FSTL5: variants seen among roughly 807,000 people sequenced by gnomAD.
FSTL5 encodes follistatin like 5.
A neutral mutation model predicts 89.1 loss-of-function variants in FSTL5; 62 were observed. The observed-to-expected ratio is 0.70, with a 90% confidence interval of 0.57 to 0.86. FSTL5 has a LOEUF of 0.86. Ranked by LOEUF, FSTL5 falls within the 40% of genes least tolerant of loss-of-function variation. The probability of loss-of-function intolerance (pLI) is 0.00; values close to 1 mark genes in which losing one functional copy is unlikely to be tolerated. For missense variants in FSTL5, 1,057 were observed against 1,001.6 expected, an observed-to-expected ratio of 1.06 and a Z score of -0.75; for synonymous variants, 383 against 346.2, an observed-to-expected ratio of 1.11 and a Z score of -1.18.
chr4:161,435,777 T>C (rs1732539890), intron 15 of FSTL5, among the ~76,000 whole-genome samples: 2 of 151,908 alleles, frequency 1.3e-5, no homozygotes, highest in East Asian at 3.9e-4. Flanking sequence ...AGTTGAGTCT[T>C]CATAATAAGC....
At chr4:161,961,854 T>C (rs1735187814) in intron 3 of FSTL5, among the ~76,000 whole-genome samples, 1 of 151,710 alleles carries the variant, frequency 6.6e-6, no homozygotes, top group Admixed American at 6.6e-5. Context: ...TTATATGTAT[T>C]ACATGACCAA....
At chr4:161,717,077 T>C (rs1024023405) in intron 6 of FSTL5, among the ~76,000 whole-genome samples, 4 of 152,334 alleles carry the variant, frequency 2.6e-5, no homozygotes, top group Non-Finnish European at 2.9e-5. Flanking sequence ...AGACTTTCCC[T>C]TTGTTTTAGA....
chr4:161,906,647 C>T (rs763511987), intron 4 of FSTL5, among the ~76,000 whole-genome samples: 9 of 151,880 alleles, frequency 5.9e-5, no homozygotes, highest in African/African-American at 1.9e-4. Context: ...GAGGGATTTG[C>T]CTATGAATAA....
At chr4:161,806,597 A>T (rs1412248162) in intron 4 of FSTL5, among the ~76,000 whole-genome samples, 1 of 152,232 alleles carries the variant, frequency 6.6e-6, no homozygotes, top group Non-Finnish European at 1.5e-5. Flanking sequence ...AAGTAAAGCT[A>T]AATTCAAGTT....
chr4:161,783,420 A>G lies in FSTL5; in HGVS notation c.410-7346T>C, dbSNP rs79397251. Reference sequence around the variant, plus strand: ...TATCTATAAATGATTTGCACATGACATGCAAGGCCTTCCGTCTTCTCACAA... The same window carrying G: ...TATCTATAAATGATTTGCACATGACGTGCAAGGCCTTCCGTCTTCTCACAA... On this transcript the variant is annotated intron_variant, in intron 4 of 15. Transcript: ENST00000306100. 2.8e-4 allele frequency among the ~76,000 whole-genome samples: 42 copies of G among 152,072 alleles called. No homozygotes were observed. The East Asian group carries it at 7.4e-3, about 27-fold the overall frequency.
intron 7 of FSTL5, among the ~76,000 whole-genome samples, chr4:161,618,979 T>A (rs1489794817): frequency 2.6e-5 from 4 of 152,200 alleles, no homozygotes; most frequent in Admixed American, 2.6e-4. Context: ...ATGGTACTGG[T>A]ACCAAAACAG....
chr4:162,117,437 C>G (rs1183205627), intron 1 of FSTL5, among the ~76,000 whole-genome samples: 1 of 152,004 alleles, frequency 6.6e-6, no homozygotes, highest in African/African-American at 2.4e-5. Flanking sequence ...TATAGGAACC[C>G]GGAGTTTAGC....
chr4:161,592,209 C>T (rs1477007282), intron 7 of FSTL5, among the ~76,000 whole-genome samples: 1 of 152,084 alleles, frequency 6.6e-6, no homozygotes, highest in South Asian at 2.1e-4. Flanking sequence ...GTATTTCTTC[C>T]TTTTCTCAGC....
At position 161,824,874 on chromosome 4, in the gene FSTL5, T is replaced by A. The variant is rs561169618; in HGVS notation, c.410-48800A>T. ...GGGTTTTCTAGGTATACTATTTGGA[T>A]GCCCTTTATTTCTTTCTCTTGTCTG... On this transcript the variant is annotated intron_variant, in intron 4 of 15. Coordinates refer to ENST00000306100, the MANE Select transcript of FSTL5 (RefSeq NM_020116.5). Among the ~76,000 whole-genome samples the A allele has an allele frequency of 7.9e-5, 12 of 152,014 alleles. No individual in the cohort carries two copies. The South Asian group carries it at 2.5e-3, about 32-fold the overall frequency.
rs944032298 is a variant in FSTL5 at position 162,038,077 on chromosome 4, G to C, written c.127-4419C>G. 5.3e-5 allele frequency among the ~76,000 whole-genome samples: 8 copies of C among 151,834 alleles called. No homozygotes were observed. In the East Asian group the frequency reaches 1.5e-3, roughly 29 times the overall value. ...CATTTGAAAAACATTCTTACATTAGGAAGACTTAGGTCTTGTCCATAATAG... is the reference window on the plus strand; with the variant it reads ...CATTTGAAAAACATTCTTACATTAGCAAGACTTAGGTCTTGTCCATAATAG... On this transcript the variant is annotated intron_variant, in intron 2 of 15. Coordinates refer to ENST00000306100, the MANE Select transcript of FSTL5 (RefSeq NM_020116.5).
intron 4 of FSTL5, among the ~76,000 whole-genome samples, chr4:161,853,202 T>C (rs1313830764): frequency 6.6e-6 from 1 of 152,230 alleles, no homozygotes; most frequent in African/African-American, 2.4e-5. Context: ...AACAGGAATT[T>C]TGCAATGAAA....
chr4:162,025,374 G>T (rs907440909), intron 3 of FSTL5, among the ~76,000 whole-genome samples: 1 of 152,080 alleles, frequency 6.6e-6, no homozygotes, highest in Non-Finnish European at 1.5e-5. Flanking sequence ...ACTCAAAAGG[G>T]TTATAGTTAA....
At chr4:162,144,503 C>A (rs1415936964) in intron 1 of FSTL5, among the ~76,000 whole-genome samples, 1 of 152,120 alleles carries the variant, frequency 6.6e-6, no homozygotes, top group Non-Finnish European at 1.5e-5. Context: ...TGCAATCACT[C>A]AAATACAGAG....
chr4:161,823,324 C>T (rs745323948), intron 4 of FSTL5, among the ~76,000 whole-genome samples: 1 of 152,158 alleles, frequency 6.6e-6, no homozygotes, highest in African/African-American at 2.4e-5. Context: ...TCCCAAGGGG[C>T]GTCTGCAGGC....
rs187963043 is a variant in FSTL5 at position 161,617,197 on chromosome 4, C to A, written c.895-29622G>T. Among the ~76,000 whole-genome samples, 14 of 151,636 alleles carry A rather than the reference C, an allele frequency of 9.2e-5. No individual in the cohort carries two copies. The East Asian group carries it at 2.7e-3, about 29-fold the overall frequency. ...AATTCATATGTATAAACATATATAGCTAGATAAATTCTGGAGCTTAAAAGT... is the reference window on the plus strand; with the variant it reads ...AATTCATATGTATAAACATATATAGATAGATAAATTCTGGAGCTTAAAAGT... On this transcript the variant is annotated intron_variant, in intron 7 of 15. Coordinates refer to ENST00000306100, the MANE Select transcript of FSTL5 (RefSeq NM_020116.5).
At chr4:161,819,387 T>G (rs555173912) in intron 4 of FSTL5, among the ~76,000 whole-genome samples, 1 of 152,198 alleles carries the variant, frequency 6.6e-6, no homozygotes, top group Non-Finnish European at 1.5e-5. Flanking sequence ...TGTACAGTAA[T>G]AGTCAAAACA....
chr4:161,643,506 T>C (rs970063297), intron 7 of FSTL5, among the ~76,000 whole-genome samples: 1 of 152,210 alleles, frequency 6.6e-6, no homozygotes, highest in African/African-American at 2.4e-5. Context: ...CAGTAAGATT[T>C]TGAAGACTGG....
chr4:161,863,417 A>G (rs1004035229), intron 4 of FSTL5, among the ~76,000 whole-genome samples: 2 of 152,216 alleles, frequency 1.3e-5, no homozygotes, highest in Non-Finnish European at 2.9e-5. Flanking sequence ...TCATGGGGAA[A>G]GTCAACACAA....
intron 6 of FSTL5, among the ~76,000 whole-genome samples, chr4:161,675,125 C>A (rs1467583332): frequency 6.6e-6 from 1 of 152,018 alleles, no homozygotes; most frequent in Non-Finnish European, 1.5e-5. Flanking sequence ...AATAGGAATC[C>A]TTTGAATCAC....
Sources: gnomAD v4.1 joint callset for allele counts (sites outside exome capture counted in the v4.1 genomes callset) on GRCh38, gnomAD v4.1.1 for gene constraint, MANE v1.5 for transcripts, NCBI Gene and HGNC (gene_info 2026-07-23, HGNC 2026-07-21) for gene names.